ARID4B: variants seen among roughly 807,000 people sequenced by gnomAD.
ARID4B encodes AT-rich interaction domain 4B.
ARID4B carries 26 observed loss-of-function variants against 147.5 expected under a neutral mutation model. The observed-to-expected ratio is 0.18, with a 90% CI of 0.13 to 0.24. The LOEUF is 0.24. Ranked by LOEUF, ARID4B falls within the 10% of genes least tolerant of loss-of-function variation. The probability of loss-of-function intolerance (pLI) is 1.00; values close to 1 mark genes in which losing one functional copy is unlikely to be tolerated. For missense variants in ARID4B, 1,179 were observed against 1,511.5 expected, an observed-to-expected ratio of 0.78 and a Z score of 3.65; for synonymous variants, 512 against 507.9, an observed-to-expected ratio of 1.01 and a Z score of -0.11.
chr1:235,304,450 G>A (rs1247955891), intron 2 of ARID4B, among the ~76,000 whole-genome samples: 2 of 152,308 alleles, frequency 1.3e-5, no homozygotes, highest in African/African-American at 4.8e-5. Context: ...AATTACTCAA[G>A]GTCCCTTTTC....
At position 235,213,990 on chromosome 1, in the gene ARID4B, TTCA is replaced by T. The variant is rs762556108; in HGVS notation, c.1617_1619del (p.Asp539del). The T allele has an allele frequency of 2.9e-5, 46 of 1,589,112 alleles. 1 individual carries two copies. Among genetic ancestry groups the T allele is most frequent in the South Asian group, 2.5e-4 (23 of 90,514 alleles). On this transcript the variant is annotated inframe_deletion, in exon 17 of 24. Transcript: ENST00000264183. Reference sequence around the variant, plus strand: ...CCTCCTCCTCCTCCTCTTCTGCTTCTTCATCATCTTCATCTTCTTCTTTATTCG... The same window carrying T: ...CCTCCTCCTCCTCCTCTTCTGCTTCTTCATCTTCATCTTCTTCTTTATTCG...
intron 20 of ARID4B, chr1:235,180,147 T>TTC: frequency 6.9e-6 from 1 of 144,496 alleles, no homozygotes. Flanking sequence ...CTTTTTTTTT[T>TTC]TTTTTTTTTT....
intron 6 of ARID4B, among the ~76,000 whole-genome samples, chr1:235,250,130 A>AT (rs1407380581): frequency 1.3e-5 from 2 of 151,722 alleles, no homozygotes; most frequent in Non-Finnish European, 2.9e-5. Context: ...AATAATAATA[A>AT]AATAAAATAA....
chr1:235,229,703 A>G (rs1668078179), intron 10 of ARID4B, among the ~76,000 whole-genome samples: 1 of 152,230 alleles, frequency 6.6e-6, no homozygotes, highest in Non-Finnish European at 1.5e-5. Context: ...AACCTTTAAT[A>G]CAGGAAATCA....
chr1:235,232,312 C>T (rs1668288440), intron 9 of ARID4B, among the ~76,000 whole-genome samples: 1 of 151,712 alleles, frequency 6.6e-6, no homozygotes, highest in Non-Finnish European at 1.5e-5. Context: ...CCCAGCTACT[C>T]GAGAGGCTGA....
chr1:235,212,822 G>A (rs1571989964), intron 17 of ARID4B, among the ~76,000 whole-genome samples: 3 of 152,138 alleles, frequency 2.0e-5, no homozygotes, highest in African/African-American at 7.2e-5. Flanking sequence ...CACAGAATTT[G>A]AGATGATGCC....
intron 17 of ARID4B, among the ~76,000 whole-genome samples, chr1:235,197,104 T>C (rs1665559990): frequency 6.6e-6 from 1 of 151,938 alleles, no homozygotes; most frequent in Non-Finnish European, 1.5e-5. Context: ...TTAACTGCAA[T>C]AAAACTATTT....
intron 2 of ARID4B, among the ~76,000 whole-genome samples, chr1:235,283,066 G>A (rs569503206): frequency 2.6e-5 from 4 of 152,230 alleles, no homozygotes; most frequent in East Asian, 1.9e-4. Context: ...GTGAGCCACC[G>A]CACCTGGCCG....
chr1:235,301,038 CT>C (rs780839339), intron 2 of ARID4B, among the ~76,000 whole-genome samples: 1,379 of 112,134 alleles, frequency 0.012, 26 homozygotes, highest in African/African-American at 0.042. Flanking sequence ...TTTAAGTATT[CT>C]TTTTTTTTTT....
chr1:235,260,595 A>G (rs989020083), intron 3 of ARID4B, 47 bp downstream of exon 3: 11 of 1,380,948 alleles, frequency 8.0e-6, no homozygotes, highest in East Asian at 2.4e-5. Context: ...AAAAGTTTAC[A>G]TATCAAATGC....
At chr1:235,319,579 A>G (rs571285848) in intron 2 of ARID4B, among the ~76,000 whole-genome samples, 5 of 152,350 alleles carry the variant, frequency 3.3e-5, no homozygotes, top group African/African-American at 1.2e-4. Flanking sequence ...TAATTAAAAA[A>G]ACAAGTGAAA....
intron 2 of ARID4B, among the ~76,000 whole-genome samples, chr1:235,288,626 G>T (rs1318529511): frequency 6.6e-6 from 1 of 152,150 alleles, no homozygotes; most frequent in Admixed American, 6.5e-5. Flanking sequence ...TCCTCTACTG[G>T]TGATATTAAG....
chr1:235,292,999 C>T (rs922321240), intron 2 of ARID4B, among the ~76,000 whole-genome samples: 12 of 152,034 alleles, frequency 7.9e-5, no homozygotes, highest in Non-Finnish European at 1.8e-4. Flanking sequence ...ATACATTCCT[C>T]ATTCCTGTAG....
chr1:235,221,763 G>A, intron 13 of ARID4B, 101 bp from the exon 14 acceptor site: 1 of 470,032 alleles, frequency 2.1e-6, no homozygotes, highest in Non-Finnish European at 3.6e-6. Context: ...ATATTTATTG[G>A]TCCTAGACTC....
rs1041532823 is a variant in ARID4B, at chr1:235,327,779, G to A, written c.-60C>T. On this transcript the variant is annotated 5_prime_UTR_variant, in exon 1 of 24. Transcript: ENST00000264183. ...AGAAAATATCCCTACCTTCCTCGGA[G>A]GCGAGATCTGACCCTGGCACGTCCA... 6.5e-6 allele frequency: 1 copy of A among 152,694 alleles called. No individual in the cohort carries two copies. The highest frequency in any genetic ancestry group is 1.5e-5 in the Non-Finnish European group (1 of 68,440). 9.5% of individuals were successfully genotyped at this position (152,694 alleles called of 1,614,324 possible).
At position 235,323,602 on chromosome 1, in the gene ARID4B, T is replaced by C. The variant is rs1346216742; in HGVS notation, c.6+3312A>G. On this transcript the variant is annotated intron_variant, in intron 2 of 23. Coordinates refer to ENST00000264183, the MANE Select transcript of ARID4B (RefSeq NM_016374.6). ...GAGTTCGAGACCAGCCTGACCAATA[T>C]GGAGAAACCTTGTCTCTACTAAAAG... is the stretch of plus-strand genomic sequence containing the variant. Among the ~76,000 whole-genome samples the C allele has an allele frequency of 2.0e-5, 3 of 151,960 alleles. No individual in the cohort carries two copies. The East Asian group carries it at 5.9e-4, about 30-fold the overall frequency.
chr1:235,223,404 T>A (rs1317869886), intron 12 of ARID4B, 144 bp from the exon 13 acceptor site: 1 of 102,328 alleles, frequency 9.8e-6, no homozygotes, highest in African/African-American at 5.5e-5. Flanking sequence ...TATGTGTGTG[T>A]ATATATACAT....
chr1:235,283,511 T>C (rs1163011341), intron 2 of ARID4B, among the ~76,000 whole-genome samples: 1 of 152,204 alleles, frequency 6.6e-6, no homozygotes, highest in Non-Finnish European at 1.5e-5. Flanking sequence ...TTTTCCTACC[T>C]GATTTTCTGG....
At position 235,177,853 on chromosome 1, in the gene ARID4B, T is replaced by C; in HGVS notation, c.3395A>G (p.Gln1132Arg). 6.2e-7 allele frequency: 1 copy of C among 1,612,438 alleles called. No individual in the cohort carries two copies. The highest frequency in any genetic ancestry group is 8.5e-7 in the Non-Finnish European group (1 of 1,179,144). The stretch of plus-strand genomic sequence containing the variant: ...CACTGTTGCTTTATGGCTTCTTTTC[T>C]GCTTTTTTGATGAACTTCCTCCTCC... The part of the protein sequence containing the change: ...AQGGGSSSKK[Q>R]KRSHKATVVN... The change falls in exon 21 of 24, where the codon CAG (glutamine) becomes CGG (arginine). Residue 1132 changes from glutamine to arginine, a missense_variant. Gln to Arg is a conservative substitution (Grantham distance 43). Around this residue, in one of 10 missense-constraint regions of ARID4B, gnomAD observed 357 missense variants for 427.3 expected, o/e 0.84. Coordinates refer to ENST00000264183, the MANE Select transcript of ARID4B (RefSeq NM_016374.6).
Sources: gnomAD v4.1 joint callset for allele counts (sites outside exome capture counted in the v4.1 genomes callset) on GRCh38, gnomAD v4.1.1 for gene constraint, gnomAD v4.1.1 regional missense constraint, MANE v1.5 for transcripts, NCBI Gene and HGNC (gene_info 2026-07-23, HGNC 2026-07-21) for gene names.